Variants in PHKB observed in about 807,000 individuals in gnomAD.
PHKB encodes the protein phosphorylase b kinase regulatory subunit beta.
Under a neutral mutation model 152.1 loss-of-function variants are expected in PHKB, and 122 were observed. The observed-to-expected ratio is 0.80, with a 90% CI of 0.69 to 0.93. The LOEUF (loss-of-function observed/expected upper bound fraction) is 0.93, where lower values mean the gene tolerates loss of function less well. PHKB is among the 40% of genes least tolerant of loss of function. The probability of loss-of-function intolerance (pLI) is 0.00; values close to 1 mark genes in which losing one functional copy is unlikely to be tolerated. For synonymous variants in PHKB, 436 were observed against 464.9 expected (o/e 0.94, Z 0.80); for missense variants, 1,304 against 1,328.4 (o/e 0.98, Z 0.29).
chr16:47,489,488 C>T (rs920600455), intron 1 of PHKB, among the ~76,000 whole-genome samples: 4 of 152,198 alleles, frequency 2.6e-5, no homozygotes, highest in Non-Finnish European at 5.9e-5. Context: ...ATAACTATTT[C>T]TACATAGGCT....
At chr16:47,622,482 T>A (rs1972634108) in intron 14 of PHKB, among the ~76,000 whole-genome samples, 2 of 152,198 alleles carry the variant, frequency 1.3e-5, no homozygotes, top group Admixed American at 1.3e-4. Flanking sequence ...TTTGCTGTCA[T>A]GCAGGTGAAT....
chr16:47,472,043 G>A (rs1969778641), intron 1 of PHKB, among the ~76,000 whole-genome samples: 1 of 152,162 alleles, frequency 6.6e-6, no homozygotes, highest in Non-Finnish European at 1.5e-5. Context: ...GTGACAGAGA[G>A]AGACTCCGTC....
At chr16:47,597,261 G>A (rs552339095) in intron 13 of PHKB, among the ~76,000 whole-genome samples, 18 of 152,130 alleles carry the variant, frequency 1.2e-4, no homozygotes, top group Non-Finnish European at 2.1e-4. Context: ...ACTGCCTACT[G>A]TATAAAATAC....
chr16:47,570,970 C>T (rs1462385700), intron 7 of PHKB, among the ~76,000 whole-genome samples: 1 of 150,976 alleles, frequency 6.6e-6, no homozygotes, highest in Non-Finnish European at 1.5e-5. Context: ...TTTTTTTCCC[C>T]CGTTAAGGAT....
chr16:47,682,978 T>G (rs1973890996), intron 26 of PHKB, among the ~76,000 whole-genome samples: 1 of 152,208 alleles, frequency 6.6e-6, no homozygotes, highest in Non-Finnish European at 1.5e-5. Context: ...GTTTTCCTTC[T>G]AACAGACAGG....
chr16:47,597,201 A>G (rs1420018651), intron 13 of PHKB, among the ~76,000 whole-genome samples: 1 of 152,204 alleles, frequency 6.6e-6, no homozygotes, highest in Non-Finnish European at 1.5e-5. Context: ...CCTTTATGGC[A>G]AAATATATTG....
At chr16:47,484,370 G>A (rs1970015361) in intron 1 of PHKB, among the ~76,000 whole-genome samples, 1 of 152,066 alleles carries the variant, frequency 6.6e-6, no homozygotes, top group African/African-American at 2.4e-5. Context: ...TGTGAAATAT[G>A]TTTCTTACCC....
At chr16:47,687,306 G>A (rs975333804) in intron 26 of PHKB, among the ~76,000 whole-genome samples, 44 of 152,328 alleles carry the variant, frequency 2.9e-4, no homozygotes, top group African/African-American at 1.0e-3. Flanking sequence ...AAATGTTGCT[G>A]TAATAGCTAA....
intron 13 of PHKB, among the ~76,000 whole-genome samples, chr16:47,606,985 A>T (rs968591962): frequency 3.3e-5 from 5 of 151,774 alleles, no homozygotes; most frequent in African/African-American, 4.8e-5. Context: ...GCAATTGAGG[A>T]TGTTGCCTTC....
At chr16:47,473,754 T>G (rs968373239) in intron 1 of PHKB, among the ~76,000 whole-genome samples, 3 of 152,198 alleles carry the variant, frequency 2.0e-5, no homozygotes, top group African/African-American at 7.2e-5. Context: ...TGACAAATAG[T>G]AATTGTATAT....
In PHKB at chr16:47,654,716, A is replaced by T. The variant is rs548350004; in HGVS notation, c.1971+3795A>T. 4.0e-5 allele frequency among the ~76,000 whole-genome samples: 6 copies of T among 151,438 alleles called. No individual in the cohort carries two copies. In the South Asian group the frequency reaches 1.3e-3, roughly 32 times the overall value. On this transcript the variant is annotated intron_variant, in intron 20 of 30. Coordinates refer to ENST00000323584, the MANE Select transcript of PHKB (RefSeq NM_000293.3). ...CTATCGCAAGGACGGAAAACCGAAC[A>T]CCACATGTTCTCACTCATAGGTGCG...
intron 1 of PHKB, among the ~76,000 whole-genome samples, chr16:47,487,363 C>T (rs1970066204): frequency 6.6e-6 from 1 of 151,902 alleles, no homozygotes; most frequent in African/African-American, 2.4e-5. Flanking sequence ...AATATTATGT[C>T]TGTGAGAAAA....
At chr16:47,625,384 A>G (rs1001793885) in intron 14 of PHKB, among the ~76,000 whole-genome samples, 1 of 152,188 alleles carries the variant, frequency 6.6e-6, no homozygotes, top group Non-Finnish European at 1.5e-5. Context: ...TTCCACTTAG[A>G]TGAAAGCCAA....
At chr16:47,473,755 A>G (rs979286468) in intron 1 of PHKB, among the ~76,000 whole-genome samples, 1 of 152,198 alleles carries the variant, frequency 6.6e-6, no homozygotes, top group African/African-American at 2.4e-5. Context: ...GACAAATAGT[A>G]ATTGTATATA....
rs375393609 is a variant in PHKB, at chr16:47,641,030, T to C, written c.1459-5T>C. ...GTTTTCCCCCTCCCTTATTCTGCAT[T>C]ACAGGGCCCACTGGAAAATGACTTG... On this transcript the variant is annotated splice_region_variant and splice_polypyrimidine_tract_variant and intron_variant, in intron 14 of 30. Transcript: ENST00000323584. 1.2e-5 allele frequency: 20 copies of C among 1,613,500 alleles called. No individual in the cohort carries two copies. The African/African-American group carries it at 2.4e-4, about 19-fold the overall frequency.
At chr16:47,516,455 AG>A (rs1970599009) in intron 6 of PHKB, among the ~76,000 whole-genome samples, 1 of 152,222 alleles carries the variant, frequency 6.6e-6, no homozygotes, top group African/African-American at 2.4e-5. Flanking sequence ...CAAACACACA[AG>A]CACATGCGCT....
chr16:47,698,329 A>G (rs1469836399), intron 29 of PHKB, 119 bp from the exon 30 acceptor site: 2 of 808,974 alleles, frequency 2.5e-6, no homozygotes, highest in African/African-American at 1.7e-5. Flanking sequence ...TCCATAGGTG[A>G]TCCTTGAGCC....
intron 14 of PHKB, among the ~76,000 whole-genome samples, chr16:47,629,594 A>G (rs1972783679): frequency 6.7e-6 from 1 of 150,110 alleles, no homozygotes; most frequent in Non-Finnish European, 1.5e-5. Context: ...AACTAGTTCA[A>G]CCATTGTGGA....
chr16:47,623,764 A>T (rs374037771), intron 14 of PHKB, among the ~76,000 whole-genome samples: 79 of 151,820 alleles, frequency 5.2e-4, no homozygotes, highest in African/African-American at 1.7e-3. Context: ...CACCAGGTTG[A>T]CCAGGTTGGT....
Sources: allele counts gnomAD v4.1 joint callset (sites outside exome capture counted in the v4.1 genomes callset), GRCh38; gene constraint gnomAD v4.1.1; transcripts MANE v1.5; gene names NCBI Gene and HGNC (gene_info 2026-07-23, HGNC 2026-07-21).